Variants in NTN1 observed in about 807,000 individuals in gnomAD.
NTN1 encodes the protein netrin 1, also known as netrin-1.
A neutral mutation model predicts 54.2 loss-of-function variants in NTN1; 11 were observed. The ratio of observed to expected loss-of-function variants is 0.20; its 90% CI spans 0.13 to 0.34. NTN1 has a LOEUF of 0.34. Ranked by LOEUF, NTN1 falls within the 10% of genes least tolerant of loss-of-function variation. The pLI is 1.00. For synonymous variants in NTN1, 371 were observed against 382.0 expected (o/e 0.97, Z 0.33); for missense variants, 740 against 893.1 (o/e 0.83, Z 2.18).
At position 9,234,361 on chromosome 17, in the gene NTN1, A is replaced by G. The variant is rs369914761; in HGVS notation, c.1487-5279A>G. Among the ~76,000 whole-genome samples, 8 of 152,302 alleles carry G rather than the reference A, an allele frequency of 5.3e-5. No individual in the cohort carries two copies. The East Asian group carries it at 7.7e-4, about 15-fold the overall frequency. ...GGCTGGTTGCAGGAAAGGAGGGTTT[A>G]CTGCACAGACGAGGGGTGGCCCATG... On this transcript the variant is annotated intron_variant, in intron 6 of 6. Coordinates refer to ENST00000173229, the MANE Select transcript of NTN1 (RefSeq NM_004822.3).
rs527692150 is a variant in NTN1, at chr17:9,193,094, AAG to A, written c.1411+10127_1411+10128del. On this transcript the variant is annotated intron_variant, in intron 5 of 6. Transcript: ENST00000173229. The stretch of plus-strand genomic sequence containing the variant: ...GACTCTGTCTCAAAAAAAAAAAAAA[AAG>A]AAAAAGAAAAAAAAGCCGTTTCCTC... Among the ~76,000 whole-genome samples the A allele has an allele frequency of 1.6e-4, 21 of 132,604 alleles. No individual in the cohort carries two copies. The East Asian group carries it at 2.0e-3, about 12-fold the overall frequency. The allele number at this position is 132,604 out of a possible 152,430, so 87.0% of individuals were successfully genotyped here. A position where few individuals can be genotyped will look rare whatever the true frequency, so the allele number is the denominator to read the frequency against.
chr17:9,008,108 C>T, the NTN1 span, among the ~76,000 whole-genome samples: 2 of 151,814 alleles, frequency 1.3e-5, no homozygotes, highest in African/African-American at 2.4e-5. Context: ...TTGATATTTA[C>T]TATTCATTCT....
intron 5 of NTN1, among the ~76,000 whole-genome samples, chr17:9,196,982 G>A (rs558002918): frequency 6.6e-6 from 1 of 152,168 alleles, no homozygotes; most frequent in East Asian, 1.9e-4. Flanking sequence ...TTTGAAATTG[G>A]CCATGGTGGG....
intron 2 of NTN1, among the ~76,000 whole-genome samples, chr17:9,106,480 CCTTCCTTCCTTCCTTCCTT>C (rs2092166951): frequency 1.1e-4 from 3 of 26,612 alleles, no homozygotes; most frequent in African/African-American, 1.6e-4. Flanking sequence ...TTCCTTCCTT[CCTTCCTTCCTTCCTTCCTT>C]CCTTCCTTCC....
intron 2 of NTN1, among the ~76,000 whole-genome samples, chr17:9,138,858 A>G (rs1256927096): frequency 6.6e-6 from 1 of 152,098 alleles, no homozygotes; most frequent in Non-Finnish European, 1.5e-5. Flanking sequence ...CCTTCCCACA[A>G]GGTGGCTCAG....
At chr17:9,167,252 A>G (rs1048817169) in intron 3 of NTN1, among the ~76,000 whole-genome samples, 3 of 152,156 alleles carry the variant, frequency 2.0e-5, no homozygotes, top group Admixed American at 2.0e-4. Context: ...GAGTCTGTCA[A>G]AAGACAGGAG....
intron 5 of NTN1, among the ~76,000 whole-genome samples, chr17:9,195,948 C>T (rs2142332393): frequency 6.6e-6 from 1 of 152,248 alleles, no homozygotes; most frequent in South Asian, 2.1e-4. Context: ...TCACCCCACT[C>T]TAGCTAAAGC....
At chr17:9,097,452 A>G (rs960809873) in intron 2 of NTN1, among the ~76,000 whole-genome samples, 5 of 152,112 alleles carry the variant, frequency 3.3e-5, no homozygotes, top group African/African-American at 1.2e-4. Context: ...GTGAAACCTC[A>G]TCTCTACTAA....
At chr17:9,130,385 A>C (rs922698635) in intron 2 of NTN1, among the ~76,000 whole-genome samples, 1 of 152,064 alleles carries the variant, frequency 6.6e-6, no homozygotes, top group Non-Finnish European at 1.5e-5. Flanking sequence ...TCAGGGAATG[A>C]TGCACCTGTT....
At chr17:9,151,972 G>A (rs1046629789) in intron 2 of NTN1, among the ~76,000 whole-genome samples, 3 of 152,164 alleles carry the variant, frequency 2.0e-5, no homozygotes, top group African/African-American at 7.2e-5. Context: ...AGCCAATCGC[G>A]GGGAGGATTG....
At chr17:9,184,076 A>T (rs2092426514) in intron 5 of NTN1, among the ~76,000 whole-genome samples, 1 of 152,194 alleles carries the variant, frequency 6.6e-6, no homozygotes, top group Admixed American at 6.5e-5. Context: ...TTGCAAACCC[A>T]TGTGGCCCCC....
At chr17:9,202,555 G>A (rs562944763) in intron 5 of NTN1, among the ~76,000 whole-genome samples, 30 of 152,272 alleles carry the variant, frequency 2.0e-4, no homozygotes, top group Middle Eastern at 3.4e-3. Flanking sequence ...TGGTCTTGCC[G>A]GTGGGGGGAC....
Position 9,211,714 on chromosome 17 carries a change from C to T in NTN1, c.1412-9454C>T, listed in dbSNP as rs1246381412. On this transcript the variant is annotated intron_variant, in intron 5 of 6. Coordinates refer to ENST00000173229, the MANE Select transcript of NTN1 (RefSeq NM_004822.3). The surrounding 1 kb of genome is among the most constrained non-coding windows in gnomAD (Gnocchi z 4.4). ...ATCGTGTGAGTGTGTGTATGCTTGC[C>T]TTCACCAGTTTGCTAGGCAGAAGCG... 6.6e-6 allele frequency among the ~76,000 whole-genome samples: 1 copy of T among 152,176 alleles called. No homozygotes were observed. Among genetic ancestry groups the T allele is most frequent in the Non-Finnish European group, 1.5e-5 (1 of 68,028 alleles).
At chr17:9,094,687 A>G (rs2092124106) in intron 2 of NTN1, among the ~76,000 whole-genome samples, 2 of 152,068 alleles carry the variant, frequency 1.3e-5, no homozygotes, top group Admixed American at 1.3e-4. Flanking sequence ...GCTAAACTGA[A>G]TGGTAAGAAA....
chr17:9,138,341 C>T (rs7217390), intron 2 of NTN1, among the ~76,000 whole-genome samples: 5,705 of 152,144 alleles, frequency 0.037, 374 homozygotes, highest in African/African-American at 0.13. Context: ...TGGTGGGGGC[C>T]CCGTCTGGCC....
Position 9,033,270 on chromosome 17 carries a change from A to G in NTN1, c.1018+9879A>G, listed in dbSNP as rs1003828911. ...TGCCCGGCCCAATCCTTTTTAAACCATGTTTTTGGGCAGACTTGCCATCCT... is the reference window on the plus strand; with the variant it reads ...TGCCCGGCCCAATCCTTTTTAAACCGTGTTTTTGGGCAGACTTGCCATCCT... On this transcript the variant is annotated intron_variant, in intron 2 of 6. Transcript: ENST00000173229. Among the ~76,000 whole-genome samples, 9 of 152,030 alleles carry G rather than the reference A, an allele frequency of 5.9e-5. No homozygotes were observed. The South Asian group carries it at 1.9e-3, about 32-fold the overall frequency.
chr17:9,092,462 A>G (rs1354320910), intron 2 of NTN1, among the ~76,000 whole-genome samples: 1 of 141,120 alleles, frequency 7.1e-6, no homozygotes, highest in African/African-American at 2.6e-5. Flanking sequence ...TAATTTTTGT[A>G]TTTTTTTAGT....
intron 2 of NTN1, among the ~76,000 whole-genome samples, chr17:9,038,280 C>CACACACACACACACACACACA (rs1555563185): frequency 2.0e-5 from 3 of 151,100 alleles, no homozygotes; most frequent in Admixed American, 6.6e-5. Context: ...CACACACACA[C>CACACACACACACACACACACA]CTGAGATCAC....
intron 5 of NTN1, among the ~76,000 whole-genome samples, chr17:9,213,364 C>T (rs1199340585): frequency 1.3e-5 from 2 of 152,242 alleles, no homozygotes; most frequent in African/African-American, 4.8e-5. Flanking sequence ...CAGTATTTAC[C>T]TGTGCCCTCA....
Sources: gnomAD v4.1 joint callset for allele counts (sites outside exome capture counted in the v4.1 genomes callset) on GRCh38, gnomAD v4.1.1 for gene constraint, Gnocchi (gnomAD v3.1) non-coding constraint, MANE v1.5 for transcripts, NCBI Gene and HGNC (gene_info 2026-07-23, HGNC 2026-07-21) for gene names.